Variants in GRID2 observed in about 807,000 individuals in gnomAD.
GRID2 encodes the protein glutamate receptor ionotropic, delta-2.
In GRID2, 33 loss-of-function variants were observed where a neutral mutation model predicts 114.8. The ratio of observed to expected loss-of-function variants is 0.29; its 90% CI spans 0.22 to 0.38. GRID2 has a LOEUF of 0.38. Among genes scored for constraint, GRID2 ranks in the 10% least tolerant of loss-of-function variants. The pLI is 1.00. For missense variants in GRID2, 1,184 were observed against 1,257.7 expected (o/e 0.94, Z 0.89); for synonymous variants, 505 against 449.9 (o/e 1.12, Z -1.55).
chr4:93,024,725 T>A (rs1723723751), intron 2 of GRID2, among the ~76,000 whole-genome samples: 1 of 151,848 alleles, frequency 6.6e-6, no homozygotes, highest in Non-Finnish European at 1.5e-5. Flanking sequence ...TAAATGTCAA[T>A]TTTAAAAAGT....
chr4:93,500,072 G>A (rs896574744), intron 12 of GRID2, among the ~76,000 whole-genome samples: 1 of 151,948 alleles, frequency 6.6e-6, no homozygotes, highest in Admixed American at 6.6e-5. Context: ...AGAATAAATG[G>A]CAGCAGTATG....
intron 2 of GRID2, among the ~76,000 whole-genome samples, chr4:92,848,656 T>C (rs1195311691): frequency 6.6e-6 from 1 of 151,988 alleles, no homozygotes; most frequent in African/African-American, 2.4e-5. Flanking sequence ...TTGATGAGTC[T>C]ACATCATTAC....
chr4:92,828,837 C>A (rs1741909689), intron 2 of GRID2, among the ~76,000 whole-genome samples: 1 of 152,108 alleles, frequency 6.6e-6, no homozygotes, highest in Admixed American at 6.6e-5. Flanking sequence ...TGTACATATT[C>A]TTCACCCACT....
intron 2 of GRID2, among the ~76,000 whole-genome samples, chr4:92,825,174 A>T (rs1741598860): frequency 6.6e-6 from 1 of 152,096 alleles, no homozygotes; most frequent in East Asian, 1.9e-4. Flanking sequence ...CAGGGATGAA[A>T]AACCAGTAGT....
rs533027618 is a variant in GRID2, at chr4:93,443,624, A to T, written c.1546-12038A>T. ...TGGCCTCAGCGAAAGGAAAGTGGTG[A>T]TACATCATGAGCAGGGTTGCAGCAC... On this transcript the variant is annotated intron_variant, in intron 10 of 15. Coordinates refer to ENST00000282020, the MANE Select transcript of GRID2 (RefSeq NM_001510.4). Among the ~76,000 whole-genome samples the T allele has an allele frequency of 2.0e-5, 3 of 152,056 alleles. No individual in the cohort carries two copies. The South Asian group carries it at 6.2e-4, about 31-fold the overall frequency.
At chr4:92,455,009 A>G (rs1721133273) in intron 1 of GRID2, among the ~76,000 whole-genome samples, 1 of 152,134 alleles carries the variant, frequency 6.6e-6, no homozygotes, top group South Asian at 2.1e-4. Flanking sequence ...ATTCTACTGT[A>G]TGTCTAGCTG....
chr4:93,336,273 A>G lies in GRID2; in HGVS notation c.1246-59334A>G, dbSNP rs546055175. On this transcript the variant is annotated intron_variant, in intron 8 of 15. Coordinates refer to ENST00000282020, the MANE Select transcript of GRID2 (RefSeq NM_001510.4). The stretch of plus-strand genomic sequence containing the variant: ...AATTTATACCATTATTATATTCTAT[A>G]TTTTAAGAATTTATAGCAATGATAT... 2.6e-5 allele frequency among the ~76,000 whole-genome samples: 4 copies of G among 152,214 alleles called. No individual in the cohort carries two copies. The South Asian group carries it at 8.3e-4, about 32-fold the overall frequency.
intron 7 of GRID2, among the ~76,000 whole-genome samples, chr4:93,230,788 T>C (rs992287554): frequency 1.3e-5 from 2 of 152,140 alleles, no homozygotes; most frequent in Admixed American, 1.3e-4. Flanking sequence ...CAAGAAATCA[T>C]GGGAATAAAC....
intron 14 of GRID2, among the ~76,000 whole-genome samples, chr4:93,652,875 G>A (rs1483973877): frequency 6.6e-6 from 1 of 150,736 alleles, no homozygotes; most frequent in Admixed American, 6.6e-5. Context: ...TAATCAGGAA[G>A]TGGCAGCAAA....
intron 1 of GRID2, among the ~76,000 whole-genome samples, chr4:92,352,343 A>T (rs202092067): frequency 1.5e-3 from 1 of 660 alleles, no homozygotes; most frequent in Non-Finnish European, 7.0e-3. Context: ...GGATTATTTT[A>T]TTATTATTAT....
At chr4:92,388,489 G>T (rs947809443) in intron 1 of GRID2, among the ~76,000 whole-genome samples, 2 of 151,862 alleles carry the variant, frequency 1.3e-5, no homozygotes, top group Admixed American at 1.3e-4. Context: ...TCCTCACCCC[G>T]AGGAAGGTTG....
At chr4:93,387,941 A>C (rs1430025145) in intron 8 of GRID2, among the ~76,000 whole-genome samples, 1 of 152,130 alleles carries the variant, frequency 6.6e-6, no homozygotes, top group Non-Finnish European at 1.5e-5. Flanking sequence ...TTGAAGTCTC[A>C]CTTTGTGCCA....
chr4:92,329,884 T>C (rs1270004102), intron 1 of GRID2, among the ~76,000 whole-genome samples: 1 of 150,492 alleles, frequency 6.6e-6, no homozygotes, highest in Non-Finnish European at 1.5e-5. Flanking sequence ...AGACTAAAAC[T>C]AAGTGATTAT....
At chr4:92,958,881 T>C (rs890016218) in intron 2 of GRID2, among the ~76,000 whole-genome samples, 10 of 151,962 alleles carry the variant, frequency 6.6e-5, no homozygotes, top group Non-Finnish European at 1.3e-4. Flanking sequence ...CCATTTCTTC[T>C]TGGGTGAGAT....
intron 1 of GRID2, among the ~76,000 whole-genome samples, chr4:92,434,809 A>G (rs1289645084): frequency 6.6e-6 from 1 of 152,142 alleles, no homozygotes; most frequent in Non-Finnish European, 1.5e-5. Flanking sequence ...GGTCTCTCTG[A>G]AGTCAACTGT....
At chr4:92,393,276 G>A (rs1162453555) in intron 1 of GRID2, among the ~76,000 whole-genome samples, 1 of 152,112 alleles carries the variant, frequency 6.6e-6, no homozygotes, top group Non-Finnish European at 1.5e-5. Context: ...CTGAATATGA[G>A]ATTTGGGTGG....
intron 11 of GRID2, among the ~76,000 whole-genome samples, chr4:93,480,031 C>T (rs568008882): frequency 6.6e-6 from 1 of 152,182 alleles, no homozygotes; most frequent in South Asian, 2.1e-4. Flanking sequence ...AGCTTTTCTT[C>T]ATGGATTCTG....
chr4:92,959,589 A>G (rs896494485), intron 2 of GRID2, among the ~76,000 whole-genome samples: 2 of 152,110 alleles, frequency 1.3e-5, no homozygotes, highest in African/African-American at 2.4e-5. Flanking sequence ...ACAATAGCAA[A>G]GACTTGGAAC....
intron 2 of GRID2, among the ~76,000 whole-genome samples, chr4:92,654,914 T>C (rs1410232332): frequency 6.6e-6 from 1 of 152,028 alleles, no homozygotes; most frequent in Admixed American, 6.6e-5. Flanking sequence ...ATATGTCTCA[T>C]TAAAATTTTG....
Sources: gnomAD v4.1 joint callset for allele counts (sites outside exome capture counted in the v4.1 genomes callset) on GRCh38, gnomAD v4.1.1 for gene constraint, MANE v1.5 for transcripts, NCBI Gene and HGNC (gene_info 2026-07-23, HGNC 2026-07-21) for gene names.